ATAD5: variants seen among roughly 807,000 people sequenced by gnomAD.
ATAD5 encodes ATPase family AAA domain-containing protein 5.
In ATAD5, 58 loss-of-function variants were observed where a neutral mutation model predicts 176.9. The ratio of observed to expected loss-of-function variants is 0.33; its 90% CI spans 0.27 to 0.41. The LOEUF (loss-of-function observed/expected upper bound fraction) is 0.41. Among genes scored for constraint, ATAD5 ranks in the 10% least tolerant of loss-of-function variants. The pLI is 1.00. For synonymous variants in ATAD5, 640 were observed against 712.6 expected, an observed-to-expected ratio of 0.90 and a Z score of 1.62; for missense variants, 1,789 against 2,094.1, an observed-to-expected ratio of 0.85 and a Z score of 2.84.
intron 17 of ATAD5, among the ~76,000 whole-genome samples, chr17:30,879,066 G>A (rs1908858121): frequency 6.6e-6 from 1 of 152,116 alleles, no homozygotes; most frequent in Admixed American, 6.6e-5. Context: ...TTGGCCAGGT[G>A]TGGTGGCTCA....
chr17:30,846,410 CT>C (rs796178928), intron 6 of ATAD5, among the ~76,000 whole-genome samples: 54 of 125,270 alleles, frequency 4.3e-4, no homozygotes, highest in Non-Finnish European at 3.5e-4. Flanking sequence ...TTTTTTTTTT[CT>C]TTTTTTTTTT....
At position 30,840,662 on chromosome 17, in the gene ATAD5, G is replaced by C. The variant is rs757452567; in HGVS notation, c.2122G>C (p.Glu708Gln). ...CATATCAAAAGCAAAACAATTGATTGAAAAAGCAAAAGCTTTACACATCAG... is the reference window on the plus strand; with the variant it reads ...CATATCAAAAGCAAAACAATTGATTCAAAAAGCAAAAGCTTTACACATCAG... The part of the protein sequence containing the change: ...KNISKAKQLI[E>Q]KAKALHISRS... Residue 708 changes from glutamate to glutamine, a missense_variant, in exon 4 of 23, where the codon GAA (glutamate) becomes CAA (glutamine). Coordinates refer to ENST00000321990, the MANE Select transcript of ATAD5 (RefSeq NM_024857.5). The C allele has an allele frequency of 4.4e-6, 7 of 1,582,092 alleles. No individual in the cohort carries two copies. The highest frequency in any genetic ancestry group is 5.1e-6 in the Non-Finnish European group (6 of 1,165,978).
At chr17:30,883,942 T>TA (rs1449462525) in intron 18 of ATAD5, among the ~76,000 whole-genome samples, 4 of 152,132 alleles carry the variant, frequency 2.6e-5, no homozygotes, top group Non-Finnish European at 5.9e-5. Flanking sequence ...ATTTTTGTAT[T>TA]AAAAAATTTG....
intron 6 of ATAD5, among the ~76,000 whole-genome samples, chr17:30,852,609 A>T (rs1907036330): frequency 6.6e-6 from 1 of 152,210 alleles, no homozygotes; most frequent in Admixed American, 6.6e-5. Flanking sequence ...TGTAGATTGT[A>T]CAAGCATGGT....
chr17:30,836,662 G>T (rs1905764411), intron 2 of ATAD5, among the ~76,000 whole-genome samples: 1 of 151,932 alleles, frequency 6.6e-6, no homozygotes, highest in African/African-American at 2.4e-5. Flanking sequence ...CCACCTTCTG[G>T]GTTCAAGTGA....
chr17:30,855,436 G>T (rs1440812187), intron 7 of ATAD5, 109 bp downstream of exon 7: 3 of 1,153,322 alleles, frequency 2.6e-6, no homozygotes, highest in Middle Eastern at 2.4e-4. Context: ...CATTCTTATG[G>T]TGACTTTAGT....
intron 6 of ATAD5, among the ~76,000 whole-genome samples, chr17:30,852,061 G>T (rs1743442938): frequency 6.6e-6 from 1 of 152,186 alleles, no homozygotes; most frequent in African/African-American, 2.4e-5. Flanking sequence ...TTAACCACAT[G>T]ATGATGGTTT....
chr17:30,859,497 T>C (rs150927739), intron 9 of ATAD5, among the ~76,000 whole-genome samples: 66 of 152,248 alleles, frequency 4.3e-4, no homozygotes, highest in African/African-American at 1.6e-3. Context: ...GTAGCTGAGA[T>C]TGCAGGCACC....
In ATAD5 at chr17:30,893,671, C is replaced by T. The variant is rs373942120; in HGVS notation, c.4818C>T (p.Thr1606=). ...CCTCAAATGCAGAAGAAAGCAAAAC[C>T]GGAGACGAAGAAAGCAAAGCCAGAG... is the stretch of plus-strand genomic sequence containing the variant. ...SSSSNAEESK[T]GDEESKARDK... The change falls in exon 21 of 23, where the codon ACC becomes ACT. Residue 1606 remains threonine, a synonymous_variant. Transcript: ENST00000321990. The T allele has an allele frequency of 7.4e-6, 12 of 1,613,070 alleles. No homozygotes were observed. Among genetic ancestry groups the T allele is most frequent in the Non-Finnish European group, 9.3e-6 (11 of 1,179,744 alleles).
At position 30,893,369 on chromosome 17, in the gene ATAD5, T is replaced by A. The variant is rs762173043; in HGVS notation, c.4516T>A (p.Phe1506Ile). Reference protein sequence around the residue: ...LTEFQMRNVDFLYSNLEFILP... With the variant: ...LTEFQMRNVDILYSNLEFILP... ...AGAATTCCAAATGCGGAATGTAGAT[T>A]TTTTATATAGTAATCTTGAGTTTAT... The change falls in exon 21 of 23, where the codon TTT becomes ATT. Residue 1506 changes from phenylalanine (F) to isoleucine (I), a missense_variant. Coordinates refer to ENST00000321990, the MANE Select transcript of ATAD5 (RefSeq NM_024857.5). 1.8e-5 allele frequency: 29 copies of A among 1,600,098 alleles called. No individual in the cohort carries two copies. Among genetic ancestry groups the A allele is most frequent in the Non-Finnish European group, 2.0e-5 (24 of 1,175,628 alleles).
chr17:30,853,741 T>A (rs560535144), intron 6 of ATAD5, among the ~76,000 whole-genome samples: 1 of 152,224 alleles, frequency 6.6e-6, no homozygotes, highest in East Asian at 1.9e-4. Flanking sequence ...CTCCCCACCC[T>A]TTTGCCTCTG....
At chr17:30,872,174 C>G (rs1034231594) in intron 14 of ATAD5, among the ~76,000 whole-genome samples, 1 of 151,990 alleles carries the variant, frequency 6.6e-6, no homozygotes, top group Non-Finnish European at 1.5e-5. Context: ...CTTGGCCTCC[C>G]GTAGTGCTAG....
intron 18 of ATAD5, among the ~76,000 whole-genome samples, chr17:30,884,275 C>CA (rs1909183769): frequency 2.6e-5 from 4 of 151,886 alleles, no homozygotes; most frequent in Admixed American, 1.3e-4. Context: ...CCTGCCTCAG[C>CA]CTCCCAAAGT....
intron 18 of ATAD5, among the ~76,000 whole-genome samples, chr17:30,883,459 T>C (rs192915948): frequency 7.0e-4 from 107 of 152,122 alleles, no homozygotes; most frequent in Non-Finnish European, 1.2e-3. Context: ...GTGCAAAAAA[T>C]AGGAATGTAA....
chr17:30,863,150 A>T (rs1400775488), intron 10 of ATAD5: 1 of 152,478 alleles, frequency 6.6e-6, no homozygotes, highest in Non-Finnish European at 1.5e-5. Context: ...TGATTGCACC[A>T]CTACTCCAGG....
intron 11 of ATAD5, among the ~76,000 whole-genome samples, chr17:30,866,766 G>A (rs1385800585): frequency 6.6e-6 from 1 of 151,998 alleles, no homozygotes; most frequent in Non-Finnish European, 1.5e-5. Flanking sequence ...AGCGAGCCGA[G>A]GTCGTGCCAG....
chr17:30,845,008 T>G, intron 6 of ATAD5, 92 bp downstream of exon 6: 1 of 1,150,384 alleles, frequency 8.7e-7, no homozygotes. Flanking sequence ...ATGTGAATTA[T>G]CATTTGAAGC....
chr17:30,889,523 ACAATCACTTTTAG>A (rs1272797335), intron 19 of ATAD5, among the ~76,000 whole-genome samples: 1 of 151,940 alleles, frequency 6.6e-6, no homozygotes, highest in East Asian at 1.9e-4. Flanking sequence ...ACTATAACGT[ACAATCACTTTTAG>A]CTTCAGGAGT....
chr17:30,893,582 G>A lies in ATAD5; in HGVS notation c.4729G>A (p.Asp1577Asn), dbSNP rs747339071. 1 of 1,613,668 alleles carries A rather than the reference G, an allele frequency of 6.2e-7. No individual in the cohort carries two copies. The highest frequency in any genetic ancestry group is 8.5e-7 in the Non-Finnish European group (1 of 1,179,828). Residue 1577 changes from aspartate (D) to asparagine (N), a missense_variant, in exon 21 of 23, where the codon GAT becomes AAT. By Grantham distance (23) the Asp-to-Asn change is conservative (BLOSUM62 1). Coordinates refer to ENST00000321990, the MANE Select transcript of ATAD5 (RefSeq NM_024857.5). Reference sequence around the variant, plus strand: ...AACATTGGTAATATTAGATGATAGTGATCTATTTGACACTGACTTGGACTT... The same window carrying A: ...AACATTGGTAATATTAGATGATAGTAATCTATTTGACACTGACTTGGACTT... ...KKTLVILDDS[D>N]LFDTDLDFPD...
Sources: allele counts gnomAD v4.1 joint callset (sites outside exome capture counted in the v4.1 genomes callset), GRCh38; gene constraint gnomAD v4.1.1; transcripts MANE v1.5; gene names NCBI Gene and HGNC (gene_info 2026-07-23, HGNC 2026-07-21).